The following AATK variants were observed in gnomAD, a reference collection of about 807,000 sequenced individuals.
AATK encodes serine/threonine-protein kinase LMTK1.
In AATK, 91 loss-of-function variants were observed where a neutral mutation model predicts 114.3. The ratio of observed to expected loss-of-function variants is 0.80; its 90% CI spans 0.67 to 0.95. The LOEUF is 0.95. Ranked by LOEUF, AATK falls within the 40% of genes least tolerant of loss-of-function variation. The probability of loss-of-function intolerance (pLI) is 0.00; values close to 1 mark genes in which losing one functional copy is unlikely to be tolerated. For synonymous variants in AATK, 1,075 were observed against 916.5 expected (o/e 1.17, Z -3.12); for missense variants, 2,176 against 1,965.2 (o/e 1.11, Z -2.03).
At chr17:81,150,780 G>A (rs1014224735) in intron 1 of AATK, among the ~76,000 whole-genome samples, 1 of 152,210 alleles carries the variant, frequency 6.6e-6, no homozygotes, top group African/African-American at 2.4e-5. Flanking sequence ...CCAGCAGGTG[G>A]GCCTCGGCAG....
intron 1 of AATK, among the ~76,000 whole-genome samples, chr17:81,151,288 C>CA (rs2061291736): frequency 7.4e-6 from 1 of 135,838 alleles, no homozygotes. Context: ...CCCCACCTGT[C>CA]TCCCCCACCG....
rs968283985 is a variant in AATK, at chr17:81,124,714, G to C, written c.962+13C>G. The C allele has an allele frequency of 3.1e-6, 5 of 1,612,050 alleles. No individual in the cohort carries two copies. Among genetic ancestry groups the C allele is most frequent in the Non-Finnish European group, 4.2e-6 (5 of 1,179,408 alleles). Reference sequence around the variant, plus strand: ...GCCTCGGCCCCTCACGGTGCCACCAGGGCCGCACTCACCACACATTCCCGC... The same window carrying C: ...GCCTCGGCCCCTCACGGTGCCACCACGGCCGCACTCACCACACATTCCCGC... On this transcript the variant is annotated intron_variant, in intron 9 of 13. Transcript: ENST00000326724.
In AATK at chr17:81,122,107, G is replaced by A. The variant is rs1264133396; in HGVS notation, c.1829C>T (p.Pro610Leu). 3.8e-6 allele frequency: 6 copies of A among 1,566,514 alleles called. No individual in the cohort carries two copies. Among genetic ancestry groups the A allele is most frequent in the South Asian group, 1.1e-5 (1 of 87,458 alleles). ...ACTCAGGGGCCCCGCCGAGGGCGAG[G>A]GAGAGCGTGAGGGGCAGAGCGGGTC... Reference protein sequence around the residue: ...ARDPLCPSRSPSPSAGPLSLA... With the variant: ...ARDPLCPSRSLSPSAGPLSLA... The change falls in exon 11 of 14, where the codon CCC becomes CTC. Residue 610 changes from proline to leucine, a missense_variant. Transcript: ENST00000326724.
Position 81,126,756 on chromosome 17 carries a change from T to G in AATK, c.622-196A>C. Reference sequence around the variant, plus strand: ...GGGGCCGTGTCCCCCAGGGCTGGGCTGGACTGAAGGCTTCCTCTCCACTGC... The same window carrying G: ...GGGGCCGTGTCCCCCAGGGCTGGGCGGGACTGAAGGCTTCCTCTCCACTGC... On this transcript the variant is annotated intron_variant, in intron 6 of 13. Coordinates refer to ENST00000326724, the MANE Select transcript of AATK (RefSeq NM_001080395.3). The surrounding 1 kb of genome is among the most constrained non-coding windows in gnomAD (Gnocchi z 5.1). 2.1e-6 allele frequency: 3 copies of G among 1,403,144 alleles called. No homozygotes were observed. Among genetic ancestry groups the G allele is most frequent in the Non-Finnish European group, 2.8e-6 (3 of 1,080,306 alleles). The allele number at this position is 1,403,144 out of a possible 1,614,324, so 86.9% of individuals were successfully genotyped here. A position where few individuals can be genotyped will look rare whatever the true frequency, so the allele number is the denominator to read the frequency against.
In AATK at chr17:81,120,399, G is replaced by C. The variant is rs1208610302; in HGVS notation, c.3537C>G (p.Ser1179Arg). The change falls in exon 11 of 14, where the codon AGC becomes AGG. Residue 1179 changes from serine to arginine, a missense_variant. Physicochemically the swap from Ser to Arg is moderately radical, Grantham distance 110. This residue lies in a region of AATK where 1,701 missense variants were observed against 1,394.7 expected (regional missense o/e 1.22). Transcript: ENST00000326724. ...DESDEELRCY[S>R]VQEPSEDSEE... Reference sequence around the variant, plus strand: ...CGCTGTCCTCGCTAGGCTCCTGGACGCTGTAGCAGCGGAGCTCCTCGTCAG... The same window carrying C: ...CGCTGTCCTCGCTAGGCTCCTGGACCCTGTAGCAGCGGAGCTCCTCGTCAG... 6.3e-7 allele frequency: 1 copy of C among 1,599,168 alleles called. No individual in the cohort carries two copies. Among genetic ancestry groups the C allele is most frequent in the Non-Finnish European group, 8.5e-7 (1 of 1,172,116 alleles).
intron 6 of AATK, among the ~76,000 whole-genome samples, chr17:81,127,075 A>C (rs939196623): frequency 1.3e-4 from 2 of 15,738 alleles, no homozygotes; most frequent in East Asian, 3.2e-3. Context: ...GTCTCGGGGG[A>C]GGGGGAGACG....
chr17:81,137,940 A>C (rs1330581471), intron 1 of AATK, among the ~76,000 whole-genome samples: 1 of 150,632 alleles, frequency 6.6e-6, no homozygotes, highest in Non-Finnish European at 1.5e-5. Context: ...ACACGCACAC[A>C]TCCACACGCA....
At chr17:81,125,966 T>C (rs756945419) in intron 7 of AATK, 2 of 479,804 alleles carry the variant, frequency 4.2e-6, no homozygotes, top group Non-Finnish European at 8.6e-6. Context: ...CCGTGCGGCG[T>C]CTGGGGCTGA....
At chr17:81,156,188 GTA>G (rs2061362871) in intron 1 of AATK, among the ~76,000 whole-genome samples, 2 of 138,392 alleles carry the variant, frequency 1.4e-5, no homozygotes, top group South Asian at 2.4e-4. Context: ...CTGTTACAAT[GTA>G]TGTTATCATG....
chr17:81,149,343 A>G (rs944043496), intron 1 of AATK, among the ~76,000 whole-genome samples: 1 of 151,922 alleles, frequency 6.6e-6, no homozygotes, highest in Admixed American at 6.6e-5. Context: ...TCCCAACCAC[A>G]CACAGCTGAG....
chr17:81,159,615 A>G (rs1447011376), intron 1 of AATK, among the ~76,000 whole-genome samples: 1 of 152,116 alleles, frequency 6.6e-6, no homozygotes, highest in Non-Finnish European at 1.5e-5. Context: ...AGGGAACCCA[A>G]GGCCCCTTGT....
intron 1 of AATK, among the ~76,000 whole-genome samples, chr17:81,158,028 G>T (rs916089184): frequency 1.3e-5 from 2 of 152,250 alleles, no homozygotes; most frequent in Non-Finnish European, 2.9e-5. Flanking sequence ...GCAGCAGGGG[G>T]CTGCTGGGCT....
At chr17:81,124,513 G>A (rs530779732) in intron 9 of AATK, among the ~76,000 whole-genome samples, 17 of 152,298 alleles carry the variant, frequency 1.1e-4, no homozygotes, top group Admixed American at 9.8e-4. Flanking sequence ...CGTATGCCTT[G>A]ACCCCACCAT....
intron 1 of AATK, among the ~76,000 whole-genome samples, chr17:81,146,233 C>T (rs2061218495): frequency 1.3e-5 from 2 of 150,658 alleles, no homozygotes; most frequent in Non-Finnish European, 3.0e-5. Flanking sequence ...TGGTGATGCA[C>T]ACCTGTGGTC....
At position 81,131,066 on chromosome 17, in the gene AATK, C is replaced by A; in HGVS notation, c.329G>T (p.Arg110Leu). 6.4e-7 allele frequency: 1 copy of A among 1,551,456 alleles called. No homozygotes were observed. The highest frequency in any genetic ancestry group is 8.7e-7 in the Non-Finnish European group (1 of 1,148,362). The change falls in exon 3 of 14, where the codon CGC becomes CTC. Residue 110 changes from arginine to leucine, a missense_variant. Coordinates refer to ENST00000326724, the MANE Select transcript of AATK (RefSeq NM_001080395.3). Reference protein sequence around the residue: ...VSLPMAKQPGRSVQLLKSTDV... With the variant: ...VSLPMAKQPGLSVQLLKSTDV... The stretch of plus-strand genomic sequence containing the variant: ...TCTCCCCACCCAGCCCTCACCTGAG[C>A]GCCCAGGCTGCTTGGCCATGGGCAA...
chr17:81,154,448 G>C (rs1403639115), intron 1 of AATK, among the ~76,000 whole-genome samples: 1 of 151,054 alleles, frequency 6.6e-6, no homozygotes, highest in South Asian at 2.1e-4. Flanking sequence ...AGCCTCCCAG[G>C]TAACTGGGAT....
At chr17:81,132,620 C>A in intron 2 of AATK, 1 of 265,186 alleles carries the variant, frequency 3.8e-6, no homozygotes, top group Admixed American at 4.6e-5. Flanking sequence ...CAGATGCTGT[C>A]TCTCCCTGGG....
In AATK at chr17:81,120,351, G is replaced by A. The variant is rs778512295; in HGVS notation, c.3585C>T (p.Pro1195=). 22 of 1,609,860 alleles carry A rather than the reference G, an allele frequency of 1.4e-5. No homozygotes were observed. Among genetic ancestry groups the A allele is most frequent in the South Asian group, 3.3e-5 (3 of 90,944 alleles). Residue 1195 remains proline (P), a synonymous_variant, in exon 11 of 14, where the codon CCC becomes CCT. Transcript: ENST00000326724. ...CGCTCTGGCTCTCAGCCACCACCAC[G>A]GGCACCGCCGGCGCCTCCTCTTCGC... ...EDSEEEAPAV[P]VVVAESQSAR... is the part of the protein sequence containing the mutation.
chr17:81,124,656 C>G, intron 9 of AATK, 71 bp downstream of exon 9: 1 of 1,584,476 alleles, frequency 6.3e-7, no homozygotes, highest in Non-Finnish European at 8.6e-7. Context: ...TACTCATGGC[C>G]ATGATTTGAC....
Sources: allele counts gnomAD v4.1 joint callset (sites outside exome capture counted in the v4.1 genomes callset), GRCh38; gene constraint gnomAD v4.1.1; regional missense constraint gnomAD v4.1.1; non-coding constraint Gnocchi (gnomAD v3.1); transcripts MANE v1.5; gene names NCBI Gene and HGNC (gene_info 2026-07-23, HGNC 2026-07-21).